The following MAST4 variants were observed in gnomAD, a reference collection of about 807,000 sequenced individuals.
MAST4 encodes microtubule associated serine/threonine kinase family member 4, also known as microtubule-associated serine/threonine-protein kinase 4.
MAST4 carries 89 observed loss-of-function variants against 162.7 expected under a neutral mutation model. The observed-to-expected ratio is 0.55, with a 90% CI of 0.46 to 0.65. The LOEUF is 0.65. MAST4 is among the 30% of genes least tolerant of loss of function. The probability of loss-of-function intolerance (pLI) is 0.00; values close to 1 mark genes in which losing one functional copy is unlikely to be tolerated. For synonymous variants in MAST4, 1,479 were observed against 1,361.1 expected, an observed-to-expected ratio of 1.09 and a Z score of -1.91; for missense variants, 3,153 against 3,374.0, an observed-to-expected ratio of 0.93 and a Z score of 1.62.
chr5:66,643,932 G>C (rs1314073552), intron 1 of MAST4, among the ~76,000 whole-genome samples: 2 of 148,884 alleles, frequency 1.3e-5, no homozygotes, highest in Non-Finnish European at 3.0e-5. Flanking sequence ...GCCTTCAGAA[G>C]TATAAAATGA....
At position 67,163,729 on chromosome 5, in the gene MAST4, A is replaced by T. The variant is rs745789689; in HGVS notation, c.4550A>T (p.Lys1517Met). ...QGCLKRPVSR[K>M]VGRQESVDDL... ...TGCCTGAAACGCCCAGTCTCCCGGA[A>T]GGTGGGCCGCCAGGAGTCTGTGGAC... The change falls in exon 29 of 29, where the codon AAG becomes ATG. Residue 1517 changes from lysine to methionine, a missense_variant. Around this residue, in one of 7 missense-constraint regions of MAST4, gnomAD observed 1,644 missense variants for 1,495.0 expected, o/e 1.10. Coordinates refer to ENST00000403625, the MANE Select transcript of MAST4 (RefSeq NM_001164664.2). The surrounding 1 kb of genome is among the most constrained non-coding windows in gnomAD (Gnocchi z 7.0). 6.2e-7 allele frequency: 1 copy of T among 1,609,114 alleles called. No individual in the cohort carries two copies. The highest frequency in any genetic ancestry group is 8.5e-7 in the Non-Finnish European group (1 of 1,178,008).
At chr5:66,744,082 A>G (rs950241396) in intron 1 of MAST4, among the ~76,000 whole-genome samples, 8 of 150,450 alleles carry the variant, frequency 5.3e-5, no homozygotes, top group Admixed American at 1.3e-4. Context: ...CATTCCCTTC[A>G]TGTTTTCTGG....
At chr5:67,117,095 C>G (rs1767009351) in intron 12 of MAST4, among the ~76,000 whole-genome samples, 1 of 152,098 alleles carries the variant, frequency 6.6e-6, no homozygotes, top group Non-Finnish European at 1.5e-5. Context: ...CTATGTTTAT[C>G]TTTGTAATTG....
chr5:66,851,186 TCTGTC>T (rs1211722312), intron 3 of MAST4, among the ~76,000 whole-genome samples: 1 of 152,210 alleles, frequency 6.6e-6, no homozygotes. Context: ...TCTAATCTTA[TCTGTC>T]TATTATGTCC....
At chr5:66,963,100 G>T (rs184905006) in intron 4 of MAST4, among the ~76,000 whole-genome samples, 3 of 152,170 alleles carry the variant, frequency 2.0e-5, no homozygotes, top group Non-Finnish European at 4.4e-5. Flanking sequence ...TTCATTGACA[G>T]TTGGATTTGA....
intron 1 of MAST4, among the ~76,000 whole-genome samples, chr5:66,606,902 AAATGAGTATATGAATTT>A (rs1561208600): frequency 5.3e-5 from 8 of 152,296 alleles, no homozygotes; most frequent in African/African-American, 1.9e-4. Context: ...TTTAAATATT[AAATGAGTATATGAATTT>A]ACTCATTTAA....
chr5:66,940,549 A>C (rs1371420728), intron 4 of MAST4, among the ~76,000 whole-genome samples: 1 of 152,144 alleles, frequency 6.6e-6, no homozygotes, highest in African/African-American at 2.4e-5. Context: ...TTTCTTTCTC[A>C]TCCATAAGAA....
intron 2 of MAST4, among the ~76,000 whole-genome samples, chr5:66,766,259 C>T (rs1355819226): frequency 1.3e-5 from 2 of 151,968 alleles, no homozygotes; most frequent in Non-Finnish European, 2.9e-5. Context: ...CTTTTCTCCA[C>T]GAAGAGAGTT....
chr5:67,069,035 T>G (rs1176245943), intron 5 of MAST4, among the ~76,000 whole-genome samples: 1 of 151,858 alleles, frequency 6.6e-6, no homozygotes, highest in African/African-American at 2.4e-5. Flanking sequence ...CTGATACACG[T>G]ATACCTAAGG....
At chr5:67,076,201 C>T (rs1028017913) in intron 5 of MAST4, among the ~76,000 whole-genome samples, 3 of 152,164 alleles carry the variant, frequency 2.0e-5, no homozygotes, top group African/African-American at 7.2e-5. Context: ...GTGCTTGCTT[C>T]TGTATTTCTG....
intron 1 of MAST4, among the ~76,000 whole-genome samples, chr5:66,746,484 C>T (rs910033334): frequency 6.6e-6 from 1 of 152,132 alleles, no homozygotes; most frequent in East Asian, 1.9e-4. Flanking sequence ...AATCCTTTTC[C>T]TCTTTGGTAA....
chr5:66,906,039 T>G (rs71626457), intron 4 of MAST4, among the ~76,000 whole-genome samples: 1 of 152,162 alleles, frequency 6.6e-6, no homozygotes, highest in Admixed American at 6.5e-5. Context: ...GCAGAGCCAT[T>G]TAAAAATGTG....
chr5:66,981,349 T>C (rs1450511308), intron 4 of MAST4, among the ~76,000 whole-genome samples: 3 of 152,274 alleles, frequency 2.0e-5, no homozygotes, highest in Non-Finnish European at 2.9e-5. Context: ...TGTTCGTTTC[T>C]CTACTTTAGG....
At chr5:66,940,385 C>T (rs1743231379) in intron 4 of MAST4, among the ~76,000 whole-genome samples, 1 of 152,160 alleles carries the variant, frequency 6.6e-6, no homozygotes, top group South Asian at 2.1e-4. Flanking sequence ...GCATTTTATC[C>T]ACAGTATAAC....
At chr5:66,959,994 T>C (rs1745816341) in intron 4 of MAST4, among the ~76,000 whole-genome samples, 1 of 152,224 alleles carries the variant, frequency 6.6e-6, no homozygotes, top group South Asian at 2.1e-4. Context: ...ATTTTTATTT[T>C]AAATCTGTTA....
At chr5:66,707,667 C>T (rs1580253827) in intron 1 of MAST4, among the ~76,000 whole-genome samples, 1 of 152,072 alleles carries the variant, frequency 6.6e-6, no homozygotes, top group Non-Finnish European at 1.5e-5. Flanking sequence ...ACCTAAATAC[C>T]TCTCTAAAGA....
At chr5:66,703,641 CA>C (rs1311274690) in intron 1 of MAST4, among the ~76,000 whole-genome samples, 1 of 152,224 alleles carries the variant, frequency 6.6e-6, no homozygotes, top group African/African-American at 2.4e-5. Context: ...GTGTACCATT[CA>C]ATGATTTTTT....
At chr5:67,026,095 G>A (rs1754610044) in intron 4 of MAST4, among the ~76,000 whole-genome samples, 1 of 152,188 alleles carries the variant, frequency 6.6e-6, no homozygotes. Flanking sequence ...TCATCTGTTA[G>A]TCTTAAAGCA....
intron 4 of MAST4, among the ~76,000 whole-genome samples, chr5:67,049,686 G>T (rs1435677563): frequency 6.6e-6 from 1 of 152,116 alleles, no homozygotes; most frequent in East Asian, 1.9e-4. Context: ...CTCAATGGTG[G>T]TTAGTCTTAT....
Sources: gnomAD v4.1 joint callset for allele counts (sites outside exome capture counted in the v4.1 genomes callset) on GRCh38, gnomAD v4.1.1 for gene constraint, gnomAD v4.1.1 regional missense constraint, Gnocchi (gnomAD v3.1) non-coding constraint, MANE v1.5 for transcripts, NCBI Gene and HGNC (gene_info 2026-07-23, HGNC 2026-07-21) for gene names.